Variants in PRKAR1B observed in about 807,000 individuals in gnomAD.
PRKAR1B encodes cAMP-dependent protein kinase type I-beta regulatory subunit.
Under a neutral mutation model 46.5 loss-of-function variants are expected in PRKAR1B, and 22 were observed. The observed-to-expected ratio is 0.47, with a 90% CI of 0.34 to 0.68. PRKAR1B has a LOEUF of 0.68. Among genes scored for constraint, PRKAR1B ranks in the 30% least tolerant of loss-of-function variants. The pLI is 0.01. For missense variants in PRKAR1B, 445 were observed against 535.6 expected, an observed-to-expected ratio of 0.83 and a Z score of 1.67; for synonymous variants, 259 against 217.7, an observed-to-expected ratio of 1.19 and a Z score of -1.67.
At chr7:584,456 G>A (rs1780483679) in intron 8 of PRKAR1B, 52 bp downstream of exon 8, 1 of 1,541,812 alleles carries the variant, frequency 6.5e-7, no homozygotes, top group Non-Finnish European at 9.0e-7. Flanking sequence ...GGGGTGGCCA[G>A]CAGGCGCCCA....
At position 602,251 on chromosome 7, in the gene PRKAR1B, CCT is replaced by C. The variant is rs1781661172; in HGVS notation, c.549+3940_549+3941del. ...CTCCGGCACCGGCCTCTCCCACCAC[CCT>C]GTCATGTATGAAGGAGTTACAGACG... On this transcript the variant is annotated intron_variant, in intron 6 of 10. Transcript: ENST00000537384. The surrounding 1 kb of genome is among the most constrained non-coding windows in gnomAD (Gnocchi z 6.4). Among the ~76,000 whole-genome samples, 1 of 151,618 alleles carries C rather than the reference CCT, an allele frequency of 6.6e-6. No individual in the cohort carries two copies. Among genetic ancestry groups the C allele is most frequent in the Non-Finnish European group, 1.5e-5 (1 of 67,918 alleles).
chr7:574,577 G>A (rs568410566), intron 9 of PRKAR1B, among the ~76,000 whole-genome samples: 2 of 152,086 alleles, frequency 1.3e-5, no homozygotes, highest in Non-Finnish European at 2.9e-5. Flanking sequence ...CCCAGTAGCC[G>A]GGATTACAGG....
At chr7:633,778 G>A (rs560741875) in intron 4 of PRKAR1B, among the ~76,000 whole-genome samples, 1 of 152,234 alleles carries the variant, frequency 6.6e-6, no homozygotes, top group Admixed American at 6.5e-5. Flanking sequence ...AGTCGGGGAG[G>A]GGAGCAGCGA....
chr7:696,294 G>A (rs1360570788), intron 2 of PRKAR1B, among the ~76,000 whole-genome samples: 2 of 145,494 alleles, frequency 1.4e-5, no homozygotes, highest in African/African-American at 5.1e-5. Context: ...AAAGAAAGAT[G>A]GAGTTTCACT....
At chr7:717,420 G>A (rs181059885) in intron 1 of PRKAR1B, among the ~76,000 whole-genome samples, 1 of 152,272 alleles carries the variant, frequency 6.6e-6, no homozygotes, top group East Asian at 1.9e-4. Context: ...ACTTTGCGGG[G>A]CCAAAAGAGG....
chr7:640,279 C>G (rs1784318078), intron 4 of PRKAR1B, among the ~76,000 whole-genome samples: 1 of 152,064 alleles, frequency 6.6e-6, no homozygotes, highest in South Asian at 2.1e-4. Flanking sequence ...ATCTGTAAAC[C>G]CTGTGTCTGG....
At chr7:725,362 G>C (rs112101429) in intron 1 of PRKAR1B, among the ~76,000 whole-genome samples, 17 of 152,184 alleles carry the variant, frequency 1.1e-4, no homozygotes, top group African/African-American at 4.1e-4. Flanking sequence ...CAGATGAGAA[G>C]TGCCTGGCTA....
chr7:629,548 G>A (rs1461713207), intron 4 of PRKAR1B, among the ~76,000 whole-genome samples: 1 of 108,058 alleles, frequency 9.3e-6, no homozygotes, highest in Non-Finnish European at 1.9e-5. Context: ...CTGCAGGAGC[G>A]GGACCACGGC....
At chr7:577,466 G>A (rs1312526424) in intron 9 of PRKAR1B, among the ~76,000 whole-genome samples, 16 of 149,012 alleles carry the variant, frequency 1.1e-4, no homozygotes, top group Non-Finnish European at 1.5e-4. Flanking sequence ...CTTGAGGGCC[G>A]GAGACATGGG....
upstream of PRKAR1B, among the ~76,000 whole-genome samples, chr7:728,872 A>G (rs1351086512): frequency 6.6e-6 from 1 of 152,160 alleles, no homozygotes; most frequent in African/African-American, 2.4e-5. Flanking sequence ...ACACTGGGCA[A>G]CGGCAGAGAG....
chr7:653,165 G>A (rs193192225), intron 4 of PRKAR1B, among the ~76,000 whole-genome samples: 214 of 152,332 alleles, frequency 1.4e-3, no homozygotes, highest in Non-Finnish European at 2.8e-3. Context: ...ACACAGCCAG[G>A]CCCAGAGCCA....
rs142582778 is a variant in PRKAR1B at position 617,541 on chromosome 7, T to C, written c.441-10089A>G. ...CATGTGTTGGGCACAACCTATTGCT[T>C]AGTCACTTGCTCAGACCCACACTAA... On this transcript the variant is annotated intron_variant, in intron 4 of 10. Transcript: ENST00000537384. Among the ~76,000 whole-genome samples, 389 of 152,320 alleles carry C rather than the reference T, an allele frequency of 2.6e-3. 2 individuals carry two copies. The highest frequency in any genetic ancestry group is 9.0e-3 in the African/African-American group (373 of 41,580).
At chr7:636,655 G>T (rs941228832) in intron 4 of PRKAR1B, among the ~76,000 whole-genome samples, 4 of 152,214 alleles carry the variant, frequency 2.6e-5, no homozygotes, top group African/African-American at 4.8e-5. Flanking sequence ...TCCCCAGCCC[G>T]TGGCCACTGT....
At chr7:565,110 G>A (rs1485341510) in intron 9 of PRKAR1B, 1 of 152,216 alleles carries the variant, frequency 6.6e-6, no homozygotes, top group Non-Finnish European at 1.5e-5. Flanking sequence ...GGGTTTCGCA[G>A]GAGACTGGAA....
intron 9 of PRKAR1B, among the ~76,000 whole-genome samples, chr7:568,236 CCT>C (rs1310413178): frequency 1.3e-5 from 2 of 152,082 alleles, no homozygotes; most frequent in Admixed American, 6.5e-5. Flanking sequence ...GTTTCCCACC[CCT>C]GTCCTGGAGG....
chr7:552,657 T>G (rs1288074976), intron 9 of PRKAR1B, among the ~76,000 whole-genome samples: 4 of 144,772 alleles, frequency 2.8e-5, no homozygotes, highest in Non-Finnish European at 4.6e-5. Flanking sequence ...GACACACAGC[T>G]CCTCGAAATG....
At chr7:585,915 T>C (rs1780568367) in intron 7 of PRKAR1B, among the ~76,000 whole-genome samples, 1 of 100,324 alleles carries the variant, frequency 1.0e-5, no homozygotes, top group South Asian at 5.9e-4. Context: ...CGTAATGCCC[T>C]GAGACAGAAA....
At chr7:576,396 G>T (rs1193742920) in intron 9 of PRKAR1B, among the ~76,000 whole-genome samples, 2 of 152,178 alleles carry the variant, frequency 1.3e-5, no homozygotes, top group Non-Finnish European at 2.9e-5. Flanking sequence ...TGTTGAACGA[G>T]TCCTCTACTC....
intron 4 of PRKAR1B, among the ~76,000 whole-genome samples, chr7:633,363 G>C (rs2128480499): frequency 6.6e-6 from 1 of 152,322 alleles, no homozygotes; most frequent in South Asian, 2.1e-4. Flanking sequence ...AAGGGGCTCT[G>C]TGCACAGGAG....
Sources: gnomAD v4.1 joint callset for allele counts (sites outside exome capture counted in the v4.1 genomes callset) on GRCh38, gnomAD v4.1.1 for gene constraint, Gnocchi (gnomAD v3.1) non-coding constraint, MANE v1.5 for transcripts, NCBI Gene and HGNC (gene_info 2026-07-23, HGNC 2026-07-21) for gene names.